PCDH11X: variants seen among roughly 807,000 people sequenced by gnomAD.
The protein encoded by PCDH11X is protocadherin-11 X-linked.
In PCDH11X, 18 loss-of-function variants were observed where a neutral mutation model predicts 53.3. The ratio of observed to expected loss-of-function variants is 0.34; its 90% confidence interval spans 0.23 to 0.50. The LOEUF is 0.50. Among genes scored for constraint, PCDH11X ranks in the 20% least tolerant of loss-of-function variants. PCDH11X has a pLI of 0.98. For synonymous variants in PCDH11X, 279 were observed against 393.3 expected (o/e 0.71, Z 3.44); for missense variants, 570 against 1,032.4 (o/e 0.55, Z 6.14).
At chrX:92,132,117 CAAAAA>C (rs1213410170) in intron 6 of PCDH11X, among the ~76,000 whole-genome samples, 1 of 41,110 alleles carries the variant, frequency 2.4e-5, no homozygotes, top group Non-Finnish European at 4.8e-5. Flanking sequence ...ACTAAAAATA[CAAAAA>C]AAAAAAAAAA....
chrX:92,101,528 C>G (rs1258316305), intron 6 of PCDH11X, among the ~76,000 whole-genome samples: 9 of 111,272 alleles, frequency 8.1e-5, no homozygotes, highest in East Asian at 2.8e-4. Flanking sequence ...TGAATACTAA[C>G]AGCCTGAAAA....
intron 8 of PCDH11X, among the ~76,000 whole-genome samples, chrX:92,347,863 C>T (rs959342739): frequency 8.0e-5 from 9 of 111,881 alleles, no homozygotes; most frequent in Admixed American, 7.6e-4. Context: ...CTTATTTTCT[C>T]CAAGTAGCAT....
At chrX:92,604,501 A>G (rs1392800774) in intron 10 of PCDH11X, among the ~76,000 whole-genome samples, 1 of 111,186 alleles carries the variant, frequency 9.0e-6, no homozygotes, top group Non-Finnish European at 1.9e-5. Flanking sequence ...GCATTAAAAT[A>G]TTACACTAGA....
At chrX:92,368,178 G>A (rs1000917152) in intron 8 of PCDH11X, among the ~76,000 whole-genome samples, 1 of 104,806 alleles carries the variant, frequency 9.5e-6, no homozygotes, top group South Asian at 4.5e-4. Context: ...ATTTCTTAGA[G>A]GCTTTGTTTG....
chrX:92,543,185 C>T (rs2074785595), intron 10 of PCDH11X, among the ~76,000 whole-genome samples: 1 of 102,045 alleles, frequency 9.8e-6, no homozygotes, highest in Non-Finnish European at 2.0e-5. Context: ...ATTTCTTAAT[C>T]ATACAATAAT....
chrX:92,423,837 C>G (rs1603307535), intron 9 of PCDH11X, among the ~76,000 whole-genome samples: 1 of 96,986 alleles, frequency 1.0e-5, no homozygotes, highest in African/African-American at 3.3e-5. Flanking sequence ...CTATTCTGTT[C>G]CATTTGTCTA....
intron 8 of PCDH11X, among the ~76,000 whole-genome samples, chrX:92,342,526 A>G (rs1185708683): frequency 1.8e-5 from 2 of 111,955 alleles, no homozygotes; most frequent in Non-Finnish European, 3.8e-5. Context: ...AATCTGTGAA[A>G]AAGGAACAAA....
intron 1 of PCDH11X, among the ~76,000 whole-genome samples, chrX:91,802,669 A>G (rs980194488): frequency 8.9e-6 from 1 of 111,877 alleles, no homozygotes; most frequent in Non-Finnish European, 1.9e-5. Context: ...GTCTGACTAA[A>G]TATCTATATA....
Position 92,130,564 on chromosome X carries a change from C to T in PCDH11X, c.3034-70811C>T, listed in dbSNP as rs191884705. On this transcript the variant is annotated intron_variant, in intron 6 of 10. Transcript: ENST00000682573. ...ACTCAGGAGGCTGAGGCAGGAGAATCGCTTGAACCAGGGAGGCAGAGGTTG... is the reference window on the plus strand; with the variant it reads ...ACTCAGGAGGCTGAGGCAGGAGAATTGCTTGAACCAGGGAGGCAGAGGTTG... 7.7e-3 allele frequency among the ~76,000 whole-genome samples: 825 copies of T among 106,683 alleles called. 11 individuals are homozygous for T. Among genetic ancestry groups the T allele is most frequent in the African/African-American group, 0.028 (800 of 29,065 alleles). The allele number at this position is 106,683 out of a possible 115,157, so 92.6% of individuals were successfully genotyped here.
Position 92,358,524 on chromosome X carries a change from AT to A in PCDH11X, c.3145-29199del, listed in dbSNP as rs201298833. 1.8e-3 allele frequency among the ~76,000 whole-genome samples: 133 copies of A among 73,262 alleles called. 1 individual carries two copies. Among genetic ancestry groups the A allele is most frequent in the Admixed American group, 4.2e-3 (22 of 5,262 alleles). The allele number at this position is 73,262 out of a possible 115,157, so 63.6% of individuals were successfully genotyped here. On this transcript the variant is annotated intron_variant, in intron 8 of 10. Transcript: ENST00000682573. ...TATAATATTTCTGGTAAGTTTTTTG[AT>A]TTTTTTTTTTTGCTTAGGTAGACTT...
intron 6 of PCDH11X, among the ~76,000 whole-genome samples, chrX:92,158,668 G>T (rs2065582983): frequency 9.0e-6 from 1 of 111,010 alleles, no homozygotes; most frequent in Non-Finnish European, 1.9e-5. Context: ...ACAGAGTCTA[G>T]CTCTGTCACC....
rs1464551228 is a variant in PCDH11X at position 91,878,863 on chromosome X, A to C, written c.2623A>C (p.Lys875Gln). ...IMMKKKKKKK[K>Q]HSPKNLLLNF... ...GATGAAGAAAAAGAAAAAGAAGAAGAAGCATTCCCCTAAGAACTTGCTGCT... is the reference window on the plus strand; with the variant it reads ...GATGAAGAAAAAGAAAAAGAAGAAGCAGCATTCCCCTAAGAACTTGCTGCT... The change falls in exon 6 of 11, where the codon AAG becomes CAG. Residue 875 changes from lysine (K) to glutamine (Q), a missense_variant. Around this residue, in one of 6 missense-constraint regions of PCDH11X, gnomAD observed 226 missense variants for 457.5 expected, o/e 0.49. Coordinates refer to ENST00000682573, the MANE Select transcript of PCDH11X (RefSeq NM_032968.5). The C allele has an allele frequency of 2.1e-5, 26 of 1,211,571 alleles. No homozygotes were observed. The highest frequency in any genetic ancestry group is 2.8e-5 in the Non-Finnish European group (25 of 895,416).
At chrX:92,295,997 C>T (rs1392069864) in intron 8 of PCDH11X, among the ~76,000 whole-genome samples, 5 of 108,975 alleles carry the variant, frequency 4.6e-5, no homozygotes, top group African/African-American at 6.7e-5. Flanking sequence ...GCAGGAGAAT[C>T]GCTTGAACCC....
At chrX:92,209,943 C>G (rs1162032519) in intron 7 of PCDH11X, among the ~76,000 whole-genome samples, 2 of 111,963 alleles carry the variant, frequency 1.8e-5, no homozygotes, top group Non-Finnish European at 3.8e-5. Context: ...CCTGCTGAAG[C>G]AAGGGTTCAA....
chrX:92,018,855 GA>G (rs996359805), intron 6 of PCDH11X, among the ~76,000 whole-genome samples: 65 of 112,587 alleles, frequency 5.8e-4, no homozygotes, highest in South Asian at 2.6e-3. Context: ...ACATGTATCA[GA>G]AAAAACTTTA....
chrX:92,389,827 T>C (rs185142807), intron 9 of PCDH11X, among the ~76,000 whole-genome samples: 1 of 108,368 alleles, frequency 9.2e-6, no homozygotes, highest in East Asian at 2.9e-4. Context: ...CTGATATACT[T>C]AGGGGCTTTT....
At chrX:92,484,137 GTATGTATATA>G (rs1433255365) in intron 10 of PCDH11X, among the ~76,000 whole-genome samples, 51 of 42,947 alleles carry the variant, frequency 1.2e-3, no homozygotes, top group African/African-American at 2.9e-3. Flanking sequence ...ATGTATATAT[GTATGTATATA>G]TATGTATATA....
chrX:91,916,416 G>A (rs1941566314), intron 6 of PCDH11X, among the ~76,000 whole-genome samples: 1 of 111,593 alleles, frequency 9.0e-6, no homozygotes, highest in African/African-American at 3.3e-5. Flanking sequence ...CAAATGGATA[G>A]ACCGTTAGTG....
At chrX:92,552,994 CGTGTGTGTGT>C (rs57655496) in intron 10 of PCDH11X, among the ~76,000 whole-genome samples, 6,594 of 88,797 alleles carry the variant, frequency 0.074, 244 homozygotes, top group Admixed American at 0.22. Context: ...CTGCAATTTT[CGTGTGTGTGT>C]GTGTGTGTGT....
Sources: gnomAD v4.1 joint callset for allele counts (sites outside exome capture counted in the v4.1 genomes callset) on GRCh38, gnomAD v4.1.1 for gene constraint, gnomAD v4.1.1 regional missense constraint, MANE v1.5 for transcripts, NCBI Gene and HGNC (gene_info 2026-07-23, HGNC 2026-07-21) for gene names.